Variants in PDE3B observed in about 807,000 individuals in gnomAD.
PDE3B encodes cGMP-inhibited 3',5'-cyclic phosphodiesterase 3B.
A neutral mutation model predicts 116.8 loss-of-function variants in PDE3B; 66 were observed. The observed-to-expected ratio is 0.56, with a 90% CI of 0.46 to 0.69. The LOEUF is 0.69. Among genes scored for constraint, PDE3B ranks in the 30% least tolerant of loss-of-function variants. PDE3B has a pLI of 0.00. For missense variants in PDE3B, 1,384 were observed against 1,368.1 expected, an observed-to-expected ratio of 1.01 and a Z score of -0.18; for synonymous variants, 595 against 533.6, an observed-to-expected ratio of 1.12 and a Z score of -1.59.
At chr11:14,888,427 A>G in the PDE3B span, among the ~76,000 whole-genome samples, 8 of 152,348 alleles carry the variant, frequency 5.3e-5, no homozygotes, top group South Asian at 6.2e-4. Flanking sequence ...CAAATGTGCA[A>G]AGTGCTGTTG....
chr11:14,708,783 T>TAG (rs1403408573), intron 1 of PDE3B, among the ~76,000 whole-genome samples: 14 of 151,750 alleles, frequency 9.2e-5, no homozygotes, highest in African/African-American at 3.4e-4. Context: ...TATATATATA[T>TAG]ATAGAGAGAG....
intron 1 of PDE3B, among the ~76,000 whole-genome samples, chr11:14,681,714 A>T (rs1384482382): frequency 6.6e-6 from 1 of 152,216 alleles, no homozygotes; most frequent in African/African-American, 2.4e-5. Context: ...CTTTGCTAGT[A>T]TATAGAAATA....
At chr11:14,806,802 T>C (rs1858942996) in intron 5 of PDE3B, among the ~76,000 whole-genome samples, 1 of 130,784 alleles carries the variant, frequency 7.6e-6, no homozygotes, top group Non-Finnish European at 1.5e-5. Flanking sequence ...GAGCTTGCAG[T>C]GAGCCGAGAT....
chr11:14,757,454 T>C (rs1326532862), intron 1 of PDE3B, among the ~76,000 whole-genome samples: 1 of 151,680 alleles, frequency 6.6e-6, no homozygotes, highest in Admixed American at 6.6e-5. Flanking sequence ...CCACATCCTC[T>C]CTAGCACCTG....
the PDE3B span, chr11:14,886,811 C>T: frequency 6.6e-6 from 1 of 152,282 alleles, no homozygotes; most frequent in African/African-American, 2.4e-5. Flanking sequence ...AGCCATGGTA[C>T]ACACTACTTC....
At chr11:14,667,201 A>G (rs11023301) in intron 1 of PDE3B, among the ~76,000 whole-genome samples, 95,980 of 150,292 alleles carry the variant, frequency 0.64, 30,746 homozygotes, top group Middle Eastern at 0.71. Flanking sequence ...ACCAAACACC[A>G]CATATTCTCA....
chr11:14,832,625 G>A, intron 9 of PDE3B, 97 bp from the exon 10 acceptor site: 1 of 522,304 alleles, frequency 1.9e-6, no homozygotes, highest in Non-Finnish European at 3.5e-6. Flanking sequence ...ATTAATACAT[G>A]GTTAACATTC....
At chr11:14,739,554 A>G (rs1365844853) in intron 1 of PDE3B, among the ~76,000 whole-genome samples, 1 of 152,156 alleles carries the variant, frequency 6.6e-6, no homozygotes, top group Non-Finnish European at 1.5e-5. Context: ...ACAAACAGAG[A>G]CAATTTGACT....
chr11:14,880,023 G>T, the PDE3B span: 4 of 973,944 alleles, frequency 4.1e-6, no homozygotes, highest in Non-Finnish European at 6.2e-6. Flanking sequence ...TCTATACTTG[G>T]CTGGCATCGC....
rs781878816 is a variant in PDE3B, at chr11:14,867,554, C to T, written c.2935C>T (p.Arg979Cys). The change falls in exon 15 of 16, where the codon CGT becomes TGT. Residue 979 changes from arginine (R) to cysteine (C), a missense_variant. By Grantham distance (180) the Arg-to-Cys change is radical. Transcript: ENST00000282096. ...TCTGCCCATCAGTCCATTCATGGATCGTTCTTCTCCTCAACTAGCAAAACT... is the reference window on the plus strand; with the variant it reads ...TCTGCCCATCAGTCCATTCATGGATTGTTCTTCTCCTCAACTAGCAAAACT... ...LGLPISPFMDRSSPQLAKLQE... is the reference protein window; with the variant it reads ...LGLPISPFMDCSSPQLAKLQE... 8 of 1,613,632 alleles carry T rather than the reference C, an allele frequency of 5.0e-6. No homozygotes were observed. The highest frequency in any genetic ancestry group is 2.2e-5 in the East Asian group (1 of 44,874).
intron 9 of PDE3B, 46 bp downstream of exon 9, chr11:14,831,823 T>C: frequency 2.8e-6 from 4 of 1,432,010 alleles, no homozygotes; most frequent in Non-Finnish European, 3.8e-6. Flanking sequence ...TAATTTTTCT[T>C]AAATCTTTAT....
At chr11:14,688,439 T>A (rs372028855) in intron 1 of PDE3B, among the ~76,000 whole-genome samples, 1 of 152,116 alleles carries the variant, frequency 6.6e-6, no homozygotes, top group South Asian at 2.1e-4. Flanking sequence ...TCCTATTTGC[T>A]TGGGAACTCT....
chr11:14,847,513 A>AG (rs1318754328), intron 12 of PDE3B, among the ~76,000 whole-genome samples: 124 of 151,884 alleles, frequency 8.2e-4, no homozygotes, highest in African/African-American at 2.9e-3. Context: ...AAGGAAATAG[A>AG]GACACAAAAA....
At chr11:14,788,767 G>A (rs996557963) in intron 3 of PDE3B, among the ~76,000 whole-genome samples, 7 of 151,814 alleles carry the variant, frequency 4.6e-5, no homozygotes, top group African/African-American at 1.5e-4. Context: ...TCCTAAGATT[G>A]TCCTCTGAAG....
At chr11:14,891,787 C>G in the PDE3B span, 12 of 1,402,228 alleles carry the variant, frequency 8.6e-6, no homozygotes, top group Non-Finnish European at 1.0e-5. Context: ...GCGGGGCTCC[C>G]CCTGCAAGGG....
intron 1 of PDE3B, among the ~76,000 whole-genome samples, chr11:14,695,365 G>C (rs1855172991): frequency 1.3e-5 from 2 of 151,954 alleles, no homozygotes; most frequent in South Asian, 4.1e-4. Context: ...TGGACGTTTG[G>C]ATTATTTTTA....
intron 1 of PDE3B, among the ~76,000 whole-genome samples, chr11:14,706,355 A>C (rs1017327121): frequency 2.6e-5 from 4 of 151,894 alleles, no homozygotes; most frequent in African/African-American, 9.7e-5. Context: ...AAAAAGTTAC[A>C]TTTTCTGAGC....
chr11:14,724,155 T>G (rs1480923973), intron 1 of PDE3B, among the ~76,000 whole-genome samples: 1 of 152,084 alleles, frequency 6.6e-6, no homozygotes, highest in Non-Finnish European at 1.5e-5. Context: ...GAAATAGACT[T>G]GAAAGATGGT....
the PDE3B span, chr11:14,885,942 A>G: frequency 6.2e-7 from 1 of 1,609,924 alleles, no homozygotes; most frequent in Non-Finnish European, 8.5e-7. Context: ...GAAAAACAAC[A>G]TTTAAATGAC....
Sources: gnomAD v4.1 joint callset for allele counts (sites outside exome capture counted in the v4.1 genomes callset) on GRCh38, gnomAD v4.1.1 for gene constraint, MANE v1.5 for transcripts, NCBI Gene and HGNC (gene_info 2026-07-23, HGNC 2026-07-21) for gene names.